The following TNFRSF10B variants were observed in gnomAD, a reference collection of about 807,000 sequenced individuals.
TNFRSF10B encodes the protein tumor necrosis factor receptor superfamily member 10B.
A neutral mutation model predicts 41.4 loss-of-function variants in TNFRSF10B; 35 were observed. The ratio of observed to expected loss-of-function variants is 0.85; its 90% CI spans 0.65 to 1.12. TNFRSF10B has a LOEUF of 1.12. Ranked by LOEUF, TNFRSF10B falls within the 50% of genes most tolerant of loss-of-function variation. The pLI is 0.00. For missense variants in TNFRSF10B, 584 were observed against 552.7 expected, an observed-to-expected ratio of 1.06 and a Z score of -0.57; for synonymous variants, 230 against 215.5, an observed-to-expected ratio of 1.07 and a Z score of -0.59.
chr8:23,047,712 T>C (rs1812404912), intron 1 of TNFRSF10B, among the ~76,000 whole-genome samples: 1 of 152,154 alleles, frequency 6.6e-6, no homozygotes, highest in Admixed American at 6.5e-5. Context: ...TAACAAGTGT[T>C]GGTGAGGATA....
At chr8:23,057,388 T>C (rs1304998726) in intron 1 of TNFRSF10B, among the ~76,000 whole-genome samples, 1 of 151,168 alleles carries the variant, frequency 6.6e-6, no homozygotes, top group Non-Finnish European at 1.5e-5. Flanking sequence ...ATTCCATTAA[T>C]TGCTTAGAAC....
intron 2 of TNFRSF10B, among the ~76,000 whole-genome samples, chr8:23,039,265 G>A (rs1812105065): frequency 6.6e-6 from 1 of 151,986 alleles, no homozygotes; most frequent in East Asian, 1.9e-4. Flanking sequence ...TTCCTAACAG[G>A]CCACGGACCA....
chr8:23,047,687 C>T (rs189290124), intron 1 of TNFRSF10B, among the ~76,000 whole-genome samples: 2 of 151,934 alleles, frequency 1.3e-5, no homozygotes, highest in East Asian at 3.9e-4. Flanking sequence ...TGGCCATTAT[C>T]AAAAAGATGC....
At chr8:23,065,842 G>A (rs1023319502) in intron 1 of TNFRSF10B, among the ~76,000 whole-genome samples, 2 of 151,978 alleles carry the variant, frequency 1.3e-5, no homozygotes, top group Admixed American at 1.3e-4. Context: ...GTCCCTATGG[G>A]CAGGAAAAAA....
chr8:23,022,572 T>G lies in TNFRSF10B; in HGVS notation c.*99A>C. On this transcript the variant is annotated 3_prime_UTR_variant, in exon 9 of 9. Coordinates refer to ENST00000276431, the MANE Select transcript of TNFRSF10B (RefSeq NM_003842.5). ...AGAGTTTCTTCCAGTACCGGTCATGTGACAATTGTGGCACTTTCCTACTGA... is the reference window on the plus strand; with the variant it reads ...AGAGTTTCTTCCAGTACCGGTCATGGGACAATTGTGGCACTTTCCTACTGA... 3.1e-6 allele frequency: 4 copies of G among 1,311,374 alleles called. No individual in the cohort carries two copies. Among genetic ancestry groups the G allele is most frequent in the Non-Finnish European group, 4.3e-6 (4 of 920,422 alleles). The allele number at this position is 1,311,374 out of a possible 1,614,324, so 81.2% of individuals were successfully genotyped here. A position where few individuals can be genotyped will look rare whatever the true frequency, so the allele number is the denominator to read the frequency against.
chr8:23,043,019 T>G (rs1306589590), intron 2 of TNFRSF10B, 119 bp downstream of exon 2: 1 of 878,320 alleles, frequency 1.1e-6, no homozygotes, highest in Non-Finnish European at 1.8e-6. Flanking sequence ...AGCCTTGAAC[T>G]GGAGGCACCC....
chr8:23,027,346 G>A lies in TNFRSF10B; in HGVS notation c.781-58C>T, dbSNP rs567215531. ...ACTCAGGAGTCCACACCTAGGGCTCGCTGCAGGGTCCTCAGTATGCAGCTG... is the reference window on the plus strand; with the variant it reads ...ACTCAGGAGTCCACACCTAGGGCTCACTGCAGGGTCCTCAGTATGCAGCTG... On this transcript the variant is annotated intron_variant, in intron 6 of 8. Coordinates refer to ENST00000276431, the MANE Select transcript of TNFRSF10B (RefSeq NM_003842.5). The A allele has an allele frequency of 3.1e-5, 49 of 1,603,634 alleles. No individual in the cohort carries two copies. In the Admixed American group the frequency reaches 3.2e-4, roughly 10 times the overall value.
At chr8:23,028,237 T>C in intron 5 of TNFRSF10B, 94 bp downstream of exon 5, 2 of 1,575,574 alleles carry the variant, frequency 1.3e-6, no homozygotes, top group Non-Finnish European at 8.7e-7. Flanking sequence ...GCACTTAGAC[T>C]TGGGGCAGGG....
rs7001862 is a variant in TNFRSF10B at position 23,037,382 on chromosome 8, T to C, written c.250+5756A>G. ...TATAGCACCATTCAGAGGGTCAGTC[T>C]GCCAGCTACCTGGTGGCAGGTTGAT... is the stretch of plus-strand genomic sequence containing the variant. On this transcript the variant is annotated intron_variant, in intron 2 of 8. Transcript: ENST00000276431. Among the ~76,000 whole-genome samples the C allele has an allele frequency of 2.3e-3, 348 of 152,320 alleles. 3 individuals are homozygous for C. Among genetic ancestry groups the C allele is most frequent in the African/African-American group, 7.5e-3 (310 of 41,582 alleles).
intron 2 of TNFRSF10B, among the ~76,000 whole-genome samples, chr8:23,036,893 T>C (rs927945258): frequency 1.3e-5 from 2 of 152,162 alleles, no homozygotes; most frequent in African/African-American, 4.8e-5. Context: ...GTACACCTGG[T>C]TGTTCATTTT....
At chr8:23,051,969 C>G (rs1402897071) in intron 1 of TNFRSF10B, among the ~76,000 whole-genome samples, 1 of 152,062 alleles carries the variant, frequency 6.6e-6, no homozygotes, top group African/African-American at 2.4e-5. Context: ...AGTTAATAAA[C>G]AAGAATACCT....
At chr8:23,036,079 T>TA (rs375305394) in intron 2 of TNFRSF10B, among the ~76,000 whole-genome samples, 60,233 of 151,614 alleles carry the variant, frequency 0.4, 13,694 homozygotes, top group Non-Finnish European at 0.5. Context: ...AGACTTGCCA[T>TA]CCTCTGCAGA....
In TNFRSF10B at chr8:23,053,914, A is replaced by C. The variant is rs371910141; in HGVS notation, c.145-10671T>G. On this transcript the variant is annotated intron_variant, in intron 1 of 8. Transcript: ENST00000276431. ...TTCCAAAGTTATGGAAGACTCCTAT[A>C]ATTCTGATATATCTTAGTGTATGTT... Among the ~76,000 whole-genome samples the C allele has an allele frequency of 3.3e-5, 5 of 152,346 alleles. No individual in the cohort carries two copies. The East Asian group carries it at 5.8e-4, about 18-fold the overall frequency.
intron 2 of TNFRSF10B, 132 bp from the exon 3 acceptor site, chr8:23,031,004 C>A: frequency 2.9e-6 from 2 of 696,074 alleles, no homozygotes; most frequent in South Asian, 1.5e-5. Context: ...CTAGCTTGGT[C>A]AGTTCATCAA....
intron 4 of TNFRSF10B, 135 bp from the exon 5 acceptor site, chr8:23,028,737 T>C (rs1355429364): frequency 9.1e-6 from 10 of 1,094,098 alleles, no homozygotes; most frequent in African/African-American, 1.6e-5. Context: ...GTGTCAGCAG[T>C]GGGTCCCCCT....
At chr8:23,034,644 C>G (rs7830453) in intron 2 of TNFRSF10B, among the ~76,000 whole-genome samples, 1 of 152,152 alleles carries the variant, frequency 6.6e-6, no homozygotes, top group Non-Finnish European at 1.5e-5. Context: ...GGAGGATTGC[C>G]TGAGCCCAGG....
At chr8:23,067,221 G>A (rs1201375222) in intron 1 of TNFRSF10B, among the ~76,000 whole-genome samples, 1 of 151,856 alleles carries the variant, frequency 6.6e-6, no homozygotes, top group East Asian at 2.0e-4. Flanking sequence ...CATGTGATCT[G>A]CCCGCCTCGG....
intron 2 of TNFRSF10B, among the ~76,000 whole-genome samples, chr8:23,035,093 C>T (rs1811992432): frequency 1.3e-5 from 2 of 152,066 alleles, no homozygotes; most frequent in South Asian, 2.1e-4. Context: ...ACTATCCTGT[C>T]TCCGGGATGC....
rs1376603102 is a variant in TNFRSF10B, at chr8:23,021,189, TAAAAC to T, written c.*1477_*1481del. 3 of 454,000 alleles carry T rather than the reference TAAAAC, an allele frequency of 6.6e-6. No individual in the cohort carries two copies. The highest frequency in any genetic ancestry group is 6.9e-5 in the East Asian group (1 of 14,410). The allele number at this position is 454,000 out of a possible 1,614,324, so 28.1% of individuals were successfully genotyped here. ...GAGGCTGAAATGGTTACTGAGGTCT[TAAAAC>T]AATAATAGAACAGGACACAAGAAGA... On this transcript the variant is annotated 3_prime_UTR_variant, in exon 9 of 9. Coordinates refer to ENST00000276431, the MANE Select transcript of TNFRSF10B (RefSeq NM_003842.5).
Sources: allele counts gnomAD v4.1 joint callset (sites outside exome capture counted in the v4.1 genomes callset), GRCh38; gene constraint gnomAD v4.1.1; transcripts MANE v1.5; gene names NCBI Gene and HGNC (gene_info 2026-07-23, HGNC 2026-07-21).